Variants in NBEA observed in about 807,000 individuals in gnomAD.
The protein encoded by NBEA is lysosomal-trafficking regulator 2.
NBEA carries 44 observed loss-of-function variants against 343.4 expected under a neutral mutation model. The observed-to-expected ratio is 0.13, with a 90% confidence interval of 0.10 to 0.16. The LOEUF (loss-of-function observed/expected upper bound fraction) is 0.16, where lower values mean the gene tolerates loss of function less well. Ranked by LOEUF, NBEA falls within the 10% of genes least tolerant of loss-of-function variation. The pLI is 1.00. For missense variants in NBEA, 2,555 were observed against 3,631.3 expected (o/e 0.70, Z 7.62); for synonymous variants, 1,175 against 1,238.7 (o/e 0.95, Z 1.08).
At chr13:35,002,311 A>C (rs2152525396) in intron 1 of NBEA, among the ~76,000 whole-genome samples, 1 of 152,238 alleles carries the variant, frequency 6.6e-6, no homozygotes, top group South Asian at 2.1e-4. Flanking sequence ...TACAATGGGG[A>C]AAAATTTATA....
rs540936837 is a variant in NBEA at position 35,003,305 on chromosome 13, C to T, written c.295-37628C>T. Among the ~76,000 whole-genome samples the T allele has an allele frequency of 4.6e-5, 7 of 152,084 alleles. 1 individual carries two copies. The highest frequency in any genetic ancestry group is 4.2e-4 in the South Asian group (2 of 4,816). On this transcript the variant is annotated intron_variant, in intron 1 of 58. Transcript: ENST00000379939. The stretch of plus-strand genomic sequence containing the variant: ...GGCTGAGGTAAGAGAATTGATTATG[C>T]GGTGCAGCAAGCCATGATCATGCCA...
Position 35,472,393 on chromosome 13 carries a change from C to A in NBEA, c.6449-7C>A. 6.2e-7 allele frequency: 1 copy of A among 1,612,354 alleles called. No individual in the cohort carries two copies. The highest frequency in any genetic ancestry group is 8.5e-7 in the Non-Finnish European group (1 of 1,179,176). Reference sequence around the variant, plus strand: ...TCAGCCTGACTCCCCTTGTCCTTGCCTTGCAGGCCCAGTGGTTCTCAGCAC... The same window carrying A: ...TCAGCCTGACTCCCCTTGTCCTTGCATTGCAGGCCCAGTGGTTCTCAGCAC... On this transcript the variant is annotated splice_region_variant and splice_polypyrimidine_tract_variant and intron_variant, in intron 40 of 58. Coordinates refer to ENST00000379939, the MANE Select transcript of NBEA (RefSeq NM_001385012.1).
At chr13:35,156,461 A>G (rs1346022690) in intron 20 of NBEA, among the ~76,000 whole-genome samples, 4 of 152,096 alleles carry the variant, frequency 2.6e-5, no homozygotes, top group African/African-American at 9.7e-5. Context: ...CTTATTTAGA[A>G]TGTAATATCC....
At chr13:35,255,135 G>C (rs948740861) in intron 34 of NBEA, among the ~76,000 whole-genome samples, 4 of 152,180 alleles carry the variant, frequency 2.6e-5, no homozygotes, top group Non-Finnish European at 5.9e-5. Context: ...AAAAGGTATA[G>C]AGTACCATTA....
chr13:35,453,996 T>C (rs2046434770), intron 40 of NBEA, among the ~76,000 whole-genome samples: 1 of 152,220 alleles, frequency 6.6e-6, no homozygotes, highest in Non-Finnish European at 1.5e-5. Context: ...TTCTGTCTTT[T>C]AATGGATTTG....
intron 33 of NBEA, among the ~76,000 whole-genome samples, chr13:35,223,112 A>G (rs920152680): frequency 6.6e-6 from 1 of 152,222 alleles, no homozygotes; most frequent in African/African-American, 2.4e-5. Context: ...AGCCTGGGCG[A>G]CAGAGTGCGA....
At chr13:35,222,900 G>A (rs150267369) in intron 33 of NBEA, among the ~76,000 whole-genome samples, 1,638 of 152,182 alleles carry the variant, frequency 0.011, 14 homozygotes, top group Non-Finnish European at 0.018. Flanking sequence ...AGGCTGAGGC[G>A]GGTGAATCAC....
chr13:35,147,030 T>C (rs866777449), intron 18 of NBEA, among the ~76,000 whole-genome samples: 3 of 152,196 alleles, frequency 2.0e-5, no homozygotes, highest in African/African-American at 7.2e-5. Context: ...GGAACAAAGC[T>C]GGGTTTTCAT....
rs1476961560 is a variant in NBEA, at chr13:35,109,412, C to T, written c.1803C>T (p.Asn601=). 1.9e-6 allele frequency: 3 copies of T among 1,611,182 alleles called. No homozygotes were observed. The highest frequency in any genetic ancestry group is 2.2e-5 in the South Asian group (2 of 90,782). ...LKQLCDHILF[N]PAIWIHTPAK... ...AGCTTTGTGATCACATTTTATTTAA[C>T]CCAGCCATCTGGATACATACACCTG... Residue 601 remains asparagine (N), a synonymous_variant, in exon 12 of 59, where the codon AAC becomes AAT. Transcript: ENST00000379939.
intron 1 of NBEA, among the ~76,000 whole-genome samples, chr13:34,988,028 T>C (rs1263206707): frequency 6.6e-6 from 1 of 151,176 alleles, no homozygotes; most frequent in Non-Finnish European, 1.5e-5. Flanking sequence ...CATGCAGCTT[T>C]GTTCTTTGCT....
chr13:34,945,923 T>G (rs2059172611), intron 1 of NBEA, among the ~76,000 whole-genome samples: 1 of 152,182 alleles, frequency 6.6e-6, no homozygotes, highest in African/African-American at 2.4e-5. Flanking sequence ...GTAATTTTTC[T>G]GCTTTGTTTC....
chr13:35,550,667 G>T, intron 42 of NBEA, 73 bp downstream of exon 42: 1 of 936,782 alleles, frequency 1.1e-6, no homozygotes, highest in Admixed American at 2.3e-5. Context: ...GTATGATAAT[G>T]TCTTGATTTT....
intron 17 of NBEA, among the ~76,000 whole-genome samples, chr13:35,141,067 CTCAG>C (rs1280312673): frequency 6.6e-6 from 1 of 152,054 alleles, no homozygotes; most frequent in Non-Finnish European, 1.5e-5. Flanking sequence ...TTGGCTAGAA[CTCAG>C]TTAAATAGTC....
At chr13:35,003,501 C>A (rs1186427884) in intron 1 of NBEA, among the ~76,000 whole-genome samples, 1 of 152,132 alleles carries the variant, frequency 6.6e-6, no homozygotes, top group Non-Finnish European at 1.5e-5. Flanking sequence ...AATAGCTGCC[C>A]AGCCTGTCTC....
chr13:35,610,905 C>T (rs7328656), intron 48 of NBEA, among the ~76,000 whole-genome samples: 33,961 of 151,562 alleles, frequency 0.22, 4,006 homozygotes, highest in Non-Finnish European at 0.24. Flanking sequence ...GAATCTTCAG[C>T]GAAGAAGATA....
chr13:35,168,263 T>G (rs1220596020), intron 24 of NBEA, among the ~76,000 whole-genome samples: 2 of 151,586 alleles, frequency 1.3e-5, no homozygotes, highest in African/African-American at 4.8e-5. Context: ...TTAGAAAGAA[T>G]AGTTGATGAT....
chr13:35,367,894 T>A (rs2041215245), intron 38 of NBEA, among the ~76,000 whole-genome samples: 1 of 151,544 alleles, frequency 6.6e-6, no homozygotes, highest in South Asian at 2.1e-4. Flanking sequence ...AAGCAGTAAG[T>A]TAACATGCAT....
intron 29 of NBEA, 42 bp from the exon 30 acceptor site, chr13:35,183,934 T>C (rs779979657): frequency 6.8e-7 from 1 of 1,476,730 alleles, no homozygotes; most frequent in Non-Finnish European, 9.4e-7. Flanking sequence ...TGGCAGGTTG[T>C]TACATGCTGG....
chr13:35,260,151 A>G (rs185707864), intron 34 of NBEA, among the ~76,000 whole-genome samples: 1 of 152,332 alleles, frequency 6.6e-6, no homozygotes, highest in East Asian at 1.9e-4. Flanking sequence ...AAATCAAACT[A>G]AAACCCATGA....
Sources: allele counts gnomAD v4.1 joint callset (sites outside exome capture counted in the v4.1 genomes callset), GRCh38; gene constraint gnomAD v4.1.1; transcripts MANE v1.5; gene names NCBI Gene and HGNC (gene_info 2026-07-23, HGNC 2026-07-21).